SERINC5: variants seen among roughly 807,000 people sequenced by gnomAD.
SERINC5 encodes chromosome 5 open reading frame 12.
SERINC5 carries 41 observed loss-of-function variants against 63.1 expected under a neutral mutation model. The ratio of observed to expected loss-of-function variants is 0.65; its 90% confidence interval spans 0.51 to 0.84. The LOEUF (loss-of-function observed/expected upper bound fraction) is 0.84, where lower values mean the gene tolerates loss of function less well. Among genes scored for constraint, SERINC5 ranks in the 40% least tolerant of loss-of-function variants. SERINC5 has a pLI of 0.00. For missense variants in SERINC5, 523 were observed against 573.0 expected (o/e 0.91, Z 0.89); for synonymous variants, 222 against 215.2 (o/e 1.03, Z -0.28).
chr5:80,233,081 T>G (rs1751525236), intron 1 of SERINC5, among the ~76,000 whole-genome samples: 2 of 152,186 alleles, frequency 1.3e-5, no homozygotes, highest in Non-Finnish European at 2.9e-5. Flanking sequence ...ATTGCACACT[T>G]TAAATGACTG....
chr5:80,255,783 G>A (rs1174185633), intron 1 of SERINC5, 113 bp downstream of exon 1: 10 of 1,132,612 alleles, frequency 8.8e-6, no homozygotes, highest in Non-Finnish European at 1.3e-5. Flanking sequence ...ACCCACCCGG[G>A]CCCTACGTTC....
rs74593644 is a variant in SERINC5 at position 80,205,468 on chromosome 5, G to A, written c.28-2415C>T. Among the ~76,000 whole-genome samples, 8 of 152,190 alleles carry A rather than the reference G, an allele frequency of 5.3e-5. No homozygotes were observed. In the East Asian group the frequency reaches 1.2e-3, roughly 22 times the overall value. On this transcript the variant is annotated intron_variant, in intron 1 of 11. Coordinates refer to ENST00000507668, the MANE Select transcript of SERINC5 (RefSeq NM_001174072.3). Reference sequence around the variant, plus strand: ...GGCCTGCAGCCATACACCCTTGTAGGAAATAATGAGAGTATGTAACTTGAA... The same window carrying A: ...GGCCTGCAGCCATACACCCTTGTAGAAAATAATGAGAGTATGTAACTTGAA...
At position 80,143,656 on chromosome 5, in the gene SERINC5, G is replaced by C; in HGVS notation, c.*7C>G. 1.3e-6 allele frequency: 2 copies of C among 1,535,626 alleles called. No individual in the cohort carries two copies. Among genetic ancestry groups the C allele is most frequent in the South Asian group, 1.2e-5 (1 of 84,044 alleles). ...GGCCCACAAAGCCCAGGGGACCGCC[G>C]ATATCATCACACAGAGAACTCCCGG... is the stretch of plus-strand genomic sequence containing the variant. On this transcript the variant is annotated 3_prime_UTR_variant, in exon 12 of 12. Transcript: ENST00000507668.
At chr5:80,192,238 C>T (rs527279267) in intron 2 of SERINC5, among the ~76,000 whole-genome samples, 1 of 152,238 alleles carries the variant, frequency 6.6e-6, no homozygotes, top group East Asian at 1.9e-4. Flanking sequence ...TACAAATGCA[C>T]ATTTCAAAAG....
chr5:80,255,504 C>T (rs952904909), intron 1 of SERINC5, among the ~76,000 whole-genome samples: 6 of 152,140 alleles, frequency 3.9e-5, no homozygotes. Context: ...GTGCCTAAAC[C>T]CACTTTTCTT....
At chr5:80,211,219 T>C (rs1275377004) in intron 1 of SERINC5, among the ~76,000 whole-genome samples, 1 of 152,122 alleles carries the variant, frequency 6.6e-6, no homozygotes, top group East Asian at 1.9e-4. Context: ...TGAGACAAAA[T>C]GGCAAATGTA....
intron 1 of SERINC5, among the ~76,000 whole-genome samples, chr5:80,211,470 T>G (rs755851989): frequency 7.9e-5 from 12 of 152,190 alleles, no homozygotes; most frequent in Non-Finnish European, 1.6e-4. Context: ...CTCTATCATC[T>G]ATAACCACAT....
chr5:80,121,059 A>T (rs559918107), intron 11 of SERINC5, among the ~76,000 whole-genome samples: 1 of 151,972 alleles, frequency 6.6e-6, no homozygotes, highest in Admixed American at 6.5e-5. Flanking sequence ...GGCTAATTTT[A>T]TATTTTTAGT....
At chr5:80,121,788 G>C (rs1484220959) in intron 11 of SERINC5, among the ~76,000 whole-genome samples, 1 of 152,076 alleles carries the variant, frequency 6.6e-6, no homozygotes, top group African/African-American at 2.4e-5. Context: ...CATGGCGACA[G>C]AGAGAGAAAG....
chr5:80,236,661 G>T (rs983539901), intron 1 of SERINC5, among the ~76,000 whole-genome samples: 1 of 151,784 alleles, frequency 6.6e-6, no homozygotes, highest in African/African-American at 2.4e-5. Flanking sequence ...AAGTAGCTGG[G>T]ATTACAGGTG....
At chr5:80,194,233 G>T (rs1170075257) in intron 2 of SERINC5, among the ~76,000 whole-genome samples, 4 of 152,022 alleles carry the variant, frequency 2.6e-5, no homozygotes, top group African/African-American at 9.7e-5. Context: ...TTTGACACTT[G>T]TTCTGACACA....
intron 1 of SERINC5, among the ~76,000 whole-genome samples, chr5:80,214,152 G>A (rs978022692): frequency 9.2e-5 from 14 of 152,156 alleles, no homozygotes; most frequent in African/African-American, 3.1e-4. Flanking sequence ...GCCATGGAAA[G>A]ACGTCCACAC....
intron 5 of SERINC5, among the ~76,000 whole-genome samples, chr5:80,173,109 C>G (rs544464366): frequency 6.6e-6 from 1 of 151,452 alleles, no homozygotes; most frequent in Non-Finnish European, 1.5e-5. Flanking sequence ...AACAGCAACT[C>G]CAACTTCCCA....
chr5:80,191,950 C>T (rs927858601), intron 2 of SERINC5, among the ~76,000 whole-genome samples: 1 of 152,108 alleles, frequency 6.6e-6, no homozygotes, highest in African/African-American at 2.4e-5. Flanking sequence ...CATATAAGAC[C>T]ATGGAGGGTC....
chr5:80,166,583 C>T, intron 6 of SERINC5, 105 bp from the exon 7 acceptor site: 1 of 684,950 alleles, frequency 1.5e-6, no homozygotes, highest in Non-Finnish European at 2.5e-6. Context: ...ACTTGAGCAT[C>T]CACCTTTAAA....
rs918752952 is a variant in SERINC5, at chr5:80,255,984, T to A, written c.-62A>T. On this transcript the variant is annotated 5_prime_UTR_variant, in exon 1 of 12. Transcript: ENST00000507668. ...CCCGCGCCGCACGGGCCCTCCTGGC[T>A]GCCTCGCGCCTCGAGCGCTGGGCTC... is the stretch of plus-strand genomic sequence containing the variant. The A allele has an allele frequency of 6.2e-6, 9 of 1,448,154 alleles. No individual in the cohort carries two copies. Among genetic ancestry groups the A allele is most frequent in the Non-Finnish European group, 8.1e-6 (9 of 1,104,894 alleles). 89.7% of individuals were successfully genotyped at this position (1,448,154 alleles called of 1,614,324 possible).
At chr5:80,209,924 G>A (rs1297501302) in intron 1 of SERINC5, among the ~76,000 whole-genome samples, 8 of 151,570 alleles carry the variant, frequency 5.3e-5, no homozygotes, top group Admixed American at 2.0e-4. Context: ...GGTGCATGCC[G>A]GTGGTCCCAG....
In SERINC5 at chr5:80,202,934, G is replaced by A; in HGVS notation, c.147C>T (p.Leu49=). 1 of 1,613,202 alleles carries A rather than the reference G, an allele frequency of 6.2e-7. No individual in the cohort carries two copies. Among genetic ancestry groups the A allele is most frequent in the African/African-American group, 1.3e-5 (1 of 75,044 alleles). The change falls in exon 2 of 12, where the codon CTC becomes CTT. Residue 49 remains leucine, a synonymous_variant. Transcript: ENST00000507668. ...YALYFILVVV[L]CCIMMSTTVA... ...CGGTTGTTGACATCATGATGCAGCA[G>A]AGGACGACGACCAGAATGAAGTAGA...
At chr5:80,191,467 A>C (rs1580142355) in intron 2 of SERINC5, among the ~76,000 whole-genome samples, 1 of 131,960 alleles carries the variant, frequency 7.6e-6, no homozygotes. Context: ...ACATAGGGAG[A>C]CTCCATCTCT....
Sources: gnomAD v4.1 joint callset for allele counts (sites outside exome capture counted in the v4.1 genomes callset) on GRCh38, gnomAD v4.1.1 for gene constraint, MANE v1.5 for transcripts, NCBI Gene and HGNC (gene_info 2026-07-23, HGNC 2026-07-21) for gene names.